OVCH1: variants seen among roughly 807,000 people sequenced by gnomAD.
OVCH1 encodes the protein ovochymase-1.
In OVCH1, 139 loss-of-function variants were observed where a neutral mutation model predicts 138.4. The ratio of observed to expected loss-of-function variants is 1.00; its 90% CI spans 0.87 to 1.16. The LOEUF (loss-of-function observed/expected upper bound fraction) is 1.16. OVCH1 is among the 50% of genes most tolerant of loss of function. OVCH1 has a pLI of 0.00. For synonymous variants in OVCH1, 453 were observed against 467.8 expected (o/e 0.97, Z 0.41); for missense variants, 1,367 against 1,357.9 (o/e 1.01, Z -0.11).
At chr12:29,437,848 G>T (rs1941393085) in intron 26 of OVCH1, among the ~76,000 whole-genome samples, 1 of 152,116 alleles carries the variant, frequency 6.6e-6, no homozygotes, top group South Asian at 2.1e-4. Context: ...AAAAATAAGT[G>T]GAAAACAGAA....
chr12:29,419,717 T>G (rs926536194), intron 3 of OVCH1, among the ~76,000 whole-genome samples: 1 of 152,194 alleles, frequency 6.6e-6, no homozygotes, highest in Non-Finnish European at 1.5e-5. Context: ...GAAAGTTATA[T>G]TTACTCCCTG....
At chr12:29,475,678 T>C (rs1789150238) in intron 13 of OVCH1, among the ~76,000 whole-genome samples, 1 of 152,150 alleles carries the variant, frequency 6.6e-6, no homozygotes, top group South Asian at 2.1e-4. Context: ...TCCTAGCCTC[T>C]AACCCACAAA....
At chr12:29,430,285 G>T (rs1941246690) in intron 27 of OVCH1, among the ~76,000 whole-genome samples, 1 of 152,204 alleles carries the variant, frequency 6.6e-6, no homozygotes, top group Non-Finnish European at 1.5e-5. Context: ...TTTTGTGCTG[G>T]TTGGCCCCCT....
intron 3 of OVCH1, 60 bp from the exon 4 acceptor site, chr12:29,495,517 T>A: frequency 6.9e-7 from 1 of 1,443,286 alleles, no homozygotes. Flanking sequence ...TCTTCTTGGT[T>A]TGATGTAATT....
intron 21 of OVCH1, among the ~76,000 whole-genome samples, chr12:29,452,899 T>G (rs1394480664): frequency 1.3e-5 from 2 of 152,186 alleles, no homozygotes; most frequent in Non-Finnish European, 2.9e-5. Flanking sequence ...AAGCAACACC[T>G]TTCCGTATAT....
chr12:29,472,106 A>C, intron 15 of OVCH1, 124 bp from the exon 16 acceptor site: 1 of 1,044,414 alleles, frequency 9.6e-7, no homozygotes, highest in Non-Finnish European at 1.3e-6. Context: ...AATAATATTG[A>C]CTCCCAAAAC....
chr12:29,410,160 G>A (rs139227532), downstream of OVCH1, among the ~76,000 whole-genome samples: 3,360 of 139,142 alleles, frequency 0.024, 118 homozygotes, highest in African/African-American at 0.078. Flanking sequence ...CCATTTGCTT[G>A]GTAGATCTTC....
downstream of OVCH1, among the ~76,000 whole-genome samples, chr12:29,425,197 G>T (rs1941162106): frequency 6.6e-6 from 1 of 152,138 alleles, no homozygotes; most frequent in Non-Finnish European, 1.5e-5. Flanking sequence ...TAACCTGGAG[G>T]GAAGGTCTAA....
intron 27 of OVCH1, among the ~76,000 whole-genome samples, chr12:29,427,804 G>T (rs1941203625): frequency 6.6e-6 from 1 of 152,114 alleles, no homozygotes; most frequent in South Asian, 2.1e-4. Context: ...AAATTGCATG[G>T]TTCATTGAAG....
chr12:29,434,751 T>C (rs76122647), intron 26 of OVCH1, among the ~76,000 whole-genome samples: 4,401 of 152,232 alleles, frequency 0.029, 201 homozygotes, highest in African/African-American at 0.096. Context: ...AGACAAAGAT[T>C]ATTGAGCAAA....
intron 3 of OVCH1, among the ~76,000 whole-genome samples, chr12:29,416,948 C>G (rs545988009): frequency 1.3e-5 from 2 of 152,302 alleles, no homozygotes; most frequent in South Asian, 4.1e-4. Flanking sequence ...GTGGTACATT[C>G]ATACCATGGA....
rs1941581381 is a variant in OVCH1, at chr12:29,445,277, C to T, written c.2881+1G>A. The T allele has an allele frequency of 6.2e-7, 1 of 1,606,914 alleles. No homozygotes were observed. Among genetic ancestry groups the T allele is most frequent in the Non-Finnish European group, 8.5e-7 (1 of 1,176,074 alleles). Reference sequence around the variant, plus strand: ...CAAGTTTATAAAATAACCAAACATACCTAGGACTTTCAAGACAATATAGCT... The same window carrying T: ...CAAGTTTATAAAATAACCAAACATATCTAGGACTTTCAAGACAATATAGCT... On this transcript the variant is annotated splice_donor_variant, in intron 23 of 27. Transcript: ENST00000318184. LOFTEE classifies it high-confidence loss of function.
chr12:29,403,059 G>T, the OVCH1 span, among the ~76,000 whole-genome samples: 1 of 152,206 alleles, frequency 6.6e-6, no homozygotes, highest in African/African-American at 2.4e-5. Context: ...CATTTTGTTC[G>T]AGAGTTAAGG....
At chr12:29,419,596 C>T (rs553445317) in intron 3 of OVCH1, among the ~76,000 whole-genome samples, 14 of 151,896 alleles carry the variant, frequency 9.2e-5, no homozygotes, top group South Asian at 4.2e-4. Context: ...GCCTGGCCAA[C>T]GAAATATGAT....
intron 22 of OVCH1, among the ~76,000 whole-genome samples, chr12:29,449,290 C>T (rs1352084952): frequency 7.5e-6 from 1 of 133,356 alleles, no homozygotes; most frequent in Non-Finnish European, 1.6e-5. Flanking sequence ...CACACACACA[C>T]ACACACACAC....
At chr12:29,491,681 A>G (rs1480097839) in intron 4 of OVCH1, among the ~76,000 whole-genome samples, 1 of 152,224 alleles carries the variant, frequency 6.6e-6, no homozygotes, top group African/African-American at 2.4e-5. Flanking sequence ...ACTGATCACA[A>G]TTGATATCCA....
At chr12:29,482,392 C>G (rs775113316) in intron 8 of OVCH1, among the ~76,000 whole-genome samples, 1 of 152,110 alleles carries the variant, frequency 6.6e-6, no homozygotes, top group Non-Finnish European at 1.5e-5. Flanking sequence ...TAACCACCCT[C>G]TCTGATATTG....
intron 2 of OVCH1, 86 bp downstream of exon 2, chr12:29,496,470 C>T (rs996757681): frequency 3.9e-6 from 5 of 1,292,670 alleles, no homozygotes; most frequent in Non-Finnish European, 5.4e-6. Context: ...AGAAAAACTA[C>T]ATATCAACGT....
chr12:29,471,727 A>T, intron 16 of OVCH1, 75 bp downstream of exon 16: 6 of 1,409,164 alleles, frequency 4.3e-6, no homozygotes, highest in Non-Finnish European at 5.7e-6. Flanking sequence ...TGATCTTAGT[A>T]GTCAGCCTTG....
Sources: gnomAD v4.1 joint callset for allele counts (sites outside exome capture counted in the v4.1 genomes callset) on GRCh38, gnomAD v4.1.1 for gene constraint, MANE v1.5 for transcripts, NCBI Gene and HGNC (gene_info 2026-07-23, HGNC 2026-07-21) for gene names.